The following ADCY2 variants were observed in gnomAD, a reference collection of about 807,000 sequenced individuals.
The protein encoded by ADCY2 is adenylate cyclase type 2.
In ADCY2, 31 loss-of-function variants were observed where a neutral mutation model predicts 125.2. The ratio of observed to expected loss-of-function variants is 0.25; its 90% CI spans 0.19 to 0.33. The LOEUF is 0.33. Ranked by LOEUF, ADCY2 falls within the 10% of genes least tolerant of loss-of-function variation. The pLI, the probability that ADCY2 is intolerant of heterozygous loss-of-function variation, is 1.00. For synonymous variants in ADCY2, 512 were observed against 548.4 expected, an observed-to-expected ratio of 0.93 and a Z score of 0.93; for missense variants, 904 against 1,418.2, an observed-to-expected ratio of 0.64 and a Z score of 5.82.
intron 4 of ADCY2, among the ~76,000 whole-genome samples, chr5:7,639,783 G>A (rs933269461): frequency 2.0e-5 from 3 of 152,132 alleles, no homozygotes; most frequent in African/African-American, 7.2e-5. Flanking sequence ...CAAACACCAA[G>A]CCAGGATAAA....
intron 17 of ADCY2, among the ~76,000 whole-genome samples, chr5:7,770,993 G>T (rs537974843): frequency 5.8e-4 from 88 of 152,114 alleles, no homozygotes; most frequent in Non-Finnish European, 1.2e-3. Context: ...AGCTCACTCT[G>T]CCAAGTTTCT....
intron 3 of ADCY2, among the ~76,000 whole-genome samples, chr5:7,600,250 A>T (rs146196364): frequency 6.6e-6 from 1 of 152,174 alleles, no homozygotes; most frequent in African/African-American, 2.4e-5. Flanking sequence ...GGCCAAATCA[A>T]TGGGAGAGAG....
intron 2 of ADCY2, among the ~76,000 whole-genome samples, chr5:7,507,946 A>T (rs180856826): frequency 6.6e-6 from 1 of 152,302 alleles, no homozygotes; most frequent in Admixed American, 6.5e-5. Flanking sequence ...ACTTGCCAAT[A>T]AAGCCTGCTT....
At chr5:7,552,773 G>A (rs182121244) in intron 3 of ADCY2, among the ~76,000 whole-genome samples, 1 of 152,292 alleles carries the variant, frequency 6.6e-6, no homozygotes, top group Admixed American at 6.5e-5. Context: ...CTCAGCGTTT[G>A]TAAAAAAGGC....
chr5:7,512,929 A>G (rs1019907808), intron 2 of ADCY2, among the ~76,000 whole-genome samples: 9 of 152,078 alleles, frequency 5.9e-5, no homozygotes, highest in Non-Finnish European at 8.8e-5. Context: ...AGATGAGGAG[A>G]TGTCAGACTG....
intron 2 of ADCY2, among the ~76,000 whole-genome samples, chr5:7,428,392 T>A (rs1740466151): frequency 6.6e-6 from 1 of 150,554 alleles, no homozygotes; most frequent in Admixed American, 6.6e-5. Flanking sequence ...AAAGATAGAG[T>A]TTTTTCTGCT....
chr5:7,595,548 TTCCCCTC>T (rs1320297878), intron 3 of ADCY2, among the ~76,000 whole-genome samples: 1 of 152,162 alleles, frequency 6.6e-6, no homozygotes, highest in Admixed American at 6.5e-5. Context: ...GAGAGAGAAA[TTCCCCTC>T]TAATGTTCAA....
At chr5:7,422,962 G>C (rs62341461) in intron 2 of ADCY2, among the ~76,000 whole-genome samples, 9,116 of 152,214 alleles carry the variant, frequency 0.06, 388 homozygotes, top group Middle Eastern at 0.16. Flanking sequence ...ATGAATGAAA[G>C]TAGAAAAATG....
At chr5:7,626,344 A>T (rs1357164515) in intron 4 of ADCY2, 28 bp downstream of exon 4, 6 of 1,608,270 alleles carry the variant, frequency 3.7e-6, no homozygotes, top group Non-Finnish European at 5.1e-6. Context: ...TTACATCCAC[A>T]TTATTTTAGT....
At chr5:7,403,021 G>C (rs2111442484) in intron 1 of ADCY2, among the ~76,000 whole-genome samples, 1 of 151,760 alleles carries the variant, frequency 6.6e-6, no homozygotes, top group Non-Finnish European at 1.5e-5. Context: ...CTGTCTCTCA[G>C]ACATGATGCT....
intron 15 of ADCY2, among the ~76,000 whole-genome samples, chr5:7,745,830 A>G (rs573299083): frequency 9.2e-5 from 14 of 152,320 alleles, no homozygotes; most frequent in Admixed American, 1.3e-4. Flanking sequence ...GGCATGTGGT[A>G]TATTTAGGGT....
In ADCY2 at chr5:7,520,776, C is replaced by T; in HGVS notation, c.447C>T (p.Thr149=). The T allele has an allele frequency of 1.9e-6, 3 of 1,614,170 alleles. No individual in the cohort carries two copies. The highest frequency in any genetic ancestry group is 1.7e-6 in the Non-Finnish European group (2 of 1,180,038). ...TCTTCATCATCTTCGTGGTGTACAC[C>T]ATGCTGCCCTTCAACATGCGAGACG... The part of the protein sequence containing the change: ...FFLFIIFVVY[T]MLPFNMRDAI... Residue 149 remains threonine (T), a synonymous_variant, in exon 3 of 25, where the codon ACC becomes ACT. Coordinates refer to ENST00000338316, the MANE Select transcript of ADCY2 (RefSeq NM_020546.3).
intron 4 of ADCY2, among the ~76,000 whole-genome samples, chr5:7,642,386 T>G (rs1226965781): frequency 6.6e-6 from 1 of 152,180 alleles, no homozygotes; most frequent in East Asian, 1.9e-4. Context: ...TTTTTGTTTG[T>G]TAAATTGTTT....
intron 3 of ADCY2, among the ~76,000 whole-genome samples, chr5:7,580,591 A>G (rs1319459240): frequency 6.6e-6 from 1 of 152,222 alleles, no homozygotes; most frequent in Non-Finnish European, 1.5e-5. Flanking sequence ...TCAGTAATCT[A>G]TATGATAAAA....
intron 4 of ADCY2, among the ~76,000 whole-genome samples, chr5:7,681,647 C>T (rs1740342016): frequency 1.3e-5 from 2 of 152,138 alleles, no homozygotes; most frequent in South Asian, 2.1e-4. Flanking sequence ...CAACTCTCAC[C>T]CAGGGGTGCT....
At chr5:7,755,011 C>T (rs1446459040) in intron 15 of ADCY2, among the ~76,000 whole-genome samples, 1 of 152,226 alleles carries the variant, frequency 6.6e-6, no homozygotes, top group Non-Finnish European at 1.5e-5. Context: ...TGTTCTCTGG[C>T]TACCTGACCC....
intron 14 of ADCY2, among the ~76,000 whole-genome samples, chr5:7,736,792 A>G (rs1742262973): frequency 6.6e-6 from 1 of 152,174 alleles, no homozygotes; most frequent in Non-Finnish European, 1.5e-5. Flanking sequence ...ACAAGAATCC[A>G]TTATTTAAAC....
intron 4 of ADCY2, among the ~76,000 whole-genome samples, chr5:7,674,373 G>C (rs1053310515): frequency 5.9e-5 from 9 of 152,128 alleles, no homozygotes; most frequent in African/African-American, 2.2e-4. Context: ...ATTGGTGCGG[G>C]GAGGGCGCCC....
At chr5:7,746,012 T>A (rs924923989) in intron 15 of ADCY2, among the ~76,000 whole-genome samples, 2 of 152,194 alleles carry the variant, frequency 1.3e-5, no homozygotes, top group African/African-American at 4.8e-5. Context: ...CTGCTGCCCC[T>A]CTCATAGCTC....
Sources: gnomAD v4.1 joint callset for allele counts (sites outside exome capture counted in the v4.1 genomes callset) on GRCh38, gnomAD v4.1.1 for gene constraint, MANE v1.5 for transcripts, NCBI Gene and HGNC (gene_info 2026-07-23, HGNC 2026-07-21) for gene names.